AAMDC: variants seen among roughly 807,000 people sequenced by gnomAD.
The protein encoded by AAMDC is mth938 domain-containing protein.
A neutral mutation model predicts 15.5 loss-of-function variants in AAMDC; 16 were observed. The ratio of observed to expected loss-of-function variants is 1.03; its 90% CI spans 0.70 to 1.57. The LOEUF is 1.57. AAMDC is among the 40% of genes most tolerant of loss of function. AAMDC has a pLI of 0.00. For synonymous variants in AAMDC, 51 were observed against 51.6 expected (o/e 0.99, Z 0.05); for missense variants, 141 against 144.9 (o/e 0.97, Z 0.14).
intron 1 of AAMDC, chr11:77,840,897 C>T: frequency 3.1e-6 from 1 of 317,696 alleles, no homozygotes; most frequent in Non-Finnish European, 5.8e-6. Context: ...GGGGGTTTAG[C>T]CATTTGCCTA....
At chr11:77,878,834 G>A in intron 5 of AAMDC, 1 of 805,864 alleles carries the variant, frequency 1.2e-6, no homozygotes, top group Non-Finnish European at 2.2e-6. Context: ...GAGACTGTAA[G>A]GGTCACATAC....
chr11:77,897,664 C>CT (rs1952587256), intron 5 of AAMDC, among the ~76,000 whole-genome samples: 1 of 130,224 alleles, frequency 7.7e-6, no homozygotes, highest in African/African-American at 3.1e-5. Flanking sequence ...CCACGCCCGG[C>CT]TAATTTTTTT....
chr11:77,886,369 A>C (rs950613227), intron 5 of AAMDC, among the ~76,000 whole-genome samples: 1 of 152,220 alleles, frequency 6.6e-6, no homozygotes, highest in African/African-American at 2.4e-5. Context: ...GGAAATGGCC[A>C]GTATGAATGA....
chr11:77,826,678 CA>C (rs920597613), intron 1 of AAMDC, among the ~76,000 whole-genome samples: 35 of 152,216 alleles, frequency 2.3e-4, no homozygotes, highest in African/African-American at 8.2e-4. Flanking sequence ...GAAACAGACA[CA>C]CCAGACCCTA....
At chr11:77,892,229 A>T (rs535782743) in intron 5 of AAMDC, among the ~76,000 whole-genome samples, 1 of 152,302 alleles carries the variant, frequency 6.6e-6, no homozygotes, top group Non-Finnish European at 1.5e-5. Flanking sequence ...ACGGAAGAGA[A>T]AAAAACGATT....
At chr11:77,903,604 A>C, downstream of AAMDC, 2 of 1,613,768 alleles carry the variant, frequency 1.2e-6, no homozygotes, top group South Asian at 1.1e-5. Flanking sequence ...TACATTCCAC[A>C]ACTTTTCCTG....
chr11:77,886,011 G>A (rs1053587524), intron 5 of AAMDC, among the ~76,000 whole-genome samples: 26 of 151,402 alleles, frequency 1.7e-4, no homozygotes, highest in Non-Finnish European at 1.8e-4. Flanking sequence ...GACGAGACTG[G>A]GCAAAAAAGT....
chr11:77,884,736 CCT>C (rs1015898014), intron 5 of AAMDC: 1 of 354,836 alleles, frequency 2.8e-6, no homozygotes, highest in African/African-American at 2.1e-5. Flanking sequence ...GGGGCCTCCC[CCT>C]GATTCTACAC....
At chr11:77,870,043 C>T (rs1375123823) in intron 3 of AAMDC, 1 of 352,574 alleles carries the variant, frequency 2.8e-6, no homozygotes, top group African/African-American at 2.1e-5. Flanking sequence ...CAGAATCCCT[C>T]AAGTTCTACA....
At chr11:77,879,206 T>C in intron 5 of AAMDC, 1 of 1,502,560 alleles carries the variant, frequency 6.7e-7, no homozygotes, top group Non-Finnish European at 9.1e-7. Context: ...TAAAGAAATA[T>C]CAAAATGGAA....
intron 2 of AAMDC, among the ~76,000 whole-genome samples, chr11:77,862,622 C>T (rs981385490): frequency 6.6e-6 from 1 of 151,978 alleles, no homozygotes; most frequent in Non-Finnish European, 1.5e-5. Context: ...GGGGGGACAC[C>T]GGAGTAGGGA....
intron 1 of AAMDC, among the ~76,000 whole-genome samples, chr11:77,825,806 C>G (rs1346451105): frequency 3.3e-5 from 5 of 151,984 alleles, no homozygotes; most frequent in African/African-American, 4.8e-5. Context: ...ATTCTCCTGC[C>G]TCAGCCTCCC....
chr11:77,835,100 C>T (rs568940207), intron 1 of AAMDC, among the ~76,000 whole-genome samples: 1 of 152,288 alleles, frequency 6.6e-6, no homozygotes, highest in East Asian at 1.9e-4. Flanking sequence ...GGCACATTGC[C>T]TCTTAGAACA....
intron 5 of AAMDC, among the ~76,000 whole-genome samples, chr11:77,889,304 C>A (rs1196580325): frequency 4.6e-5 from 7 of 151,282 alleles, no homozygotes; most frequent in Non-Finnish European, 1.5e-5. Flanking sequence ...GGACAAAAAA[C>A]CAAACACCGC....
At chr11:77,878,142 C>T (rs938624441) in intron 5 of AAMDC, among the ~76,000 whole-genome samples, 1 of 152,084 alleles carries the variant, frequency 6.6e-6, no homozygotes, top group Non-Finnish European at 1.5e-5. Flanking sequence ...GTGGGCAGAT[C>T]ACGAGGTCAG....
At chr11:77,842,750 A>G (rs2136139532) in intron 2 of AAMDC, 122 bp downstream of exon 2, 2 of 1,350,232 alleles carry the variant, frequency 1.5e-6, no homozygotes, top group Non-Finnish European at 1.0e-6. Context: ...TAATTCATAT[A>G]CCATTAAATT....
chr11:77,850,906 C>T (rs1195007894), intron 2 of AAMDC: 3 of 150,112 alleles, frequency 2.0e-5, no homozygotes, highest in Non-Finnish European at 4.4e-5. Context: ...TCTATAACTA[C>T]AATTCTATTG....
At chr11:77,867,930 T>C (rs534802716) in intron 2 of AAMDC, among the ~76,000 whole-genome samples, 3 of 152,348 alleles carry the variant, frequency 2.0e-5, no homozygotes, top group African/African-American at 7.2e-5. Flanking sequence ...GAGATTGTTA[T>C]GAAATTTTTC....
chr11:77,842,650 G>C (rs1181386776), intron 2 of AAMDC, 22 bp downstream of exon 2: 3 of 1,612,036 alleles, frequency 1.9e-6, no homozygotes, highest in African/African-American at 2.7e-5. Context: ...GTCTTTGGTT[G>C]ATACTACATG....
Sources: allele counts gnomAD v4.1 joint callset (sites outside exome capture counted in the v4.1 genomes callset), GRCh38; gene constraint gnomAD v4.1.1; transcripts MANE v1.5; gene names NCBI Gene and HGNC (gene_info 2026-07-23, HGNC 2026-07-21).